CTDSPL: variants seen among roughly 807,000 people sequenced by gnomAD.
The protein encoded by CTDSPL is CTD small phosphatase-like protein.
A neutral mutation model predicts 30.5 loss-of-function variants in CTDSPL; 8 were observed. The observed-to-expected ratio is 0.26, with a 90% CI of 0.15 to 0.47. The LOEUF is 0.47. CTDSPL is among the 20% of genes least tolerant of loss of function. The pLI is 0.99. For synonymous variants in CTDSPL, 110 were observed against 137.9 expected, an observed-to-expected ratio of 0.80 and a Z score of 1.42; for missense variants, 248 against 366.1, an observed-to-expected ratio of 0.68 and a Z score of 2.63.
At chr3:37,907,685 A>C (rs6790217) in intron 1 of CTDSPL, among the ~76,000 whole-genome samples, 41,329 of 152,032 alleles carry the variant, frequency 0.27, 6,512 homozygotes, top group African/African-American at 0.42. Flanking sequence ...AAGAACGTAG[A>C]GCTTAGTGGA....
intron 3 of CTDSPL, among the ~76,000 whole-genome samples, chr3:37,964,135 C>A (rs951788247): frequency 2.7e-5 from 4 of 148,680 alleles, no homozygotes; most frequent in Non-Finnish European, 5.9e-5. Flanking sequence ...CAAAATATGA[C>A]CCCACGAAAC....
chr3:37,975,956 G>T lies in CTDSPL; in HGVS notation c.705+62G>T, dbSNP rs1006067824. On this transcript the variant is annotated intron_variant, in intron 7 of 7. Coordinates refer to ENST00000273179, the MANE Select transcript of CTDSPL (RefSeq NM_001008392.2). The surrounding 1 kb of genome is among the most constrained non-coding windows in gnomAD (Gnocchi z 4.9). ...TCTGAGCCCTCTGTCTTGCCAGGCA[G>T]GTACCACTTTTGAGCACCTACACAA... 8 of 1,551,416 alleles carry T rather than the reference G, an allele frequency of 5.2e-6. No homozygotes were observed. Among genetic ancestry groups the T allele is most frequent in the Admixed American group, 1.8e-5 (1 of 56,084 alleles).
intron 4 of CTDSPL, 49 bp from the exon 5 acceptor site, chr3:37,967,777 G>GT: frequency 2.9e-6 from 4 of 1,398,014 alleles, no homozygotes; most frequent in South Asian, 2.6e-5. Flanking sequence ...AATTTCCAGA[G>GT]TTTTTTTGTT....
chr3:37,960,558 A>C (rs1699233447), intron 3 of CTDSPL, among the ~76,000 whole-genome samples: 1 of 128,474 alleles, frequency 7.8e-6, no homozygotes, highest in East Asian at 2.2e-4. Context: ...ACACACACAC[A>C]CACACACACA....
At chr3:37,971,577 A>C in intron 6 of CTDSPL, 78 bp downstream of exon 6, 1 of 1,359,660 alleles carries the variant, frequency 7.4e-7, no homozygotes, top group Non-Finnish European at 1.0e-6. Context: ...TCTGTCAAGC[A>C]GCCCTTTGTT....
In CTDSPL at chr3:37,865,382, G is replaced by A. The variant is rs1446070931; in HGVS notation, c.79+3104G>A. Among the ~76,000 whole-genome samples, 4 of 152,224 alleles carry A rather than the reference G, an allele frequency of 2.6e-5. No individual in the cohort carries two copies. The South Asian group carries it at 6.2e-4, about 24-fold the overall frequency. ...TATATGAAATTGTGCTCTACTTCATGTGAAACCTTTTCATGCATCAGCTTG... is the reference window on the plus strand; with the variant it reads ...TATATGAAATTGTGCTCTACTTCATATGAAACCTTTTCATGCATCAGCTTG... On this transcript the variant is annotated intron_variant, in intron 1 of 7. Coordinates refer to ENST00000273179, the MANE Select transcript of CTDSPL (RefSeq NM_001008392.2).
At chr3:37,941,547 A>T (rs1698978063) in intron 1 of CTDSPL, among the ~76,000 whole-genome samples, 2 of 146,478 alleles carry the variant, frequency 1.4e-5, no homozygotes, top group Non-Finnish European at 3.0e-5. Context: ...CCGCCACCAC[A>T]CTCCGCTAAT....
chr3:37,982,476 G>A lies in CTDSPL; in HGVS notation c.*1609G>A, dbSNP rs1363245071. The A allele has an allele frequency of 2.2e-6, 1 of 453,556 alleles. No homozygotes were observed. Among genetic ancestry groups the A allele is most frequent in the African/African-American group, 2.0e-5 (1 of 50,064 alleles). 28.1% of individuals were successfully genotyped at this position (453,556 alleles called of 1,614,324 possible). A position where few individuals can be genotyped will look rare whatever the true frequency, so the allele number is the denominator to read the frequency against. On this transcript the variant is annotated 3_prime_UTR_variant, in exon 8 of 8. Coordinates refer to ENST00000273179, the MANE Select transcript of CTDSPL (RefSeq NM_001008392.2). ...TTAGTCCTCTGTGGGTTGGTCTTCA[G>A]CCAGCATTCTGGTGGGAGTGACTGG...
intron 3 of CTDSPL, among the ~76,000 whole-genome samples, chr3:37,957,353 G>T (rs961914107): frequency 6.6e-6 from 1 of 152,090 alleles, no homozygotes; most frequent in Non-Finnish European, 1.5e-5. Context: ...CCTTTCTCAG[G>T]AACAGCAGGG....
chr3:37,934,748 C>T (rs1297489716), intron 1 of CTDSPL, among the ~76,000 whole-genome samples: 5 of 152,206 alleles, frequency 3.3e-5, no homozygotes, highest in African/African-American at 9.6e-5. Context: ...GAAAGTGGCG[C>T]TCTTTGAGCT....
chr3:37,932,654 A>G (rs1698867823), intron 1 of CTDSPL, among the ~76,000 whole-genome samples: 1 of 152,270 alleles, frequency 6.6e-6, no homozygotes, highest in Non-Finnish European at 1.5e-5. Flanking sequence ...GGCAAAGGCC[A>G]TTAAGTCTCT....
chr3:37,909,290 GA>G (rs1414446121), intron 1 of CTDSPL, among the ~76,000 whole-genome samples: 1 of 152,200 alleles, frequency 6.6e-6, no homozygotes, highest in African/African-American at 2.4e-5. Flanking sequence ...TTCTGCCATG[GA>G]AATGATACCC....
intron 3 of CTDSPL, among the ~76,000 whole-genome samples, chr3:37,960,488 A>ATAAATAAAT (rs1176208018): frequency 2.0e-5 from 1 of 48,978 alleles, no homozygotes; most frequent in African/African-American, 9.6e-5. Context: ...CTCAAAAAAA[A>ATAAATAAAT]AAAAAAAAAA....
At chr3:37,978,427 G>A (rs1007318955) in intron 7 of CTDSPL, among the ~76,000 whole-genome samples, 4 of 152,146 alleles carry the variant, frequency 2.6e-5, no homozygotes, top group African/African-American at 9.7e-5. Flanking sequence ...TCTTGGGGAT[G>A]GAACCAAGTC....
intron 1 of CTDSPL, among the ~76,000 whole-genome samples, chr3:37,889,656 T>C (rs988085135): frequency 4.6e-5 from 7 of 152,104 alleles, no homozygotes; most frequent in Non-Finnish European, 1.0e-4. Flanking sequence ...ATGTTTTCAA[T>C]CTAGAGGCCA....
chr3:37,952,615 C>T (rs1575315034), intron 2 of CTDSPL, among the ~76,000 whole-genome samples: 1 of 152,228 alleles, frequency 6.6e-6, no homozygotes, highest in African/African-American at 2.4e-5. Context: ...CTTTTACTTA[C>T]TGCCAAAATC....
chr3:37,917,113 A>G (rs1263465126), intron 1 of CTDSPL, among the ~76,000 whole-genome samples: 1 of 152,238 alleles, frequency 6.6e-6, no homozygotes, highest in Admixed American at 6.5e-5. Context: ...AATGGGCAGT[A>G]CACATATTCG....
rs148523642 is a variant in CTDSPL at position 37,955,869 on chromosome 3, C to T, written c.235-1242C>T. On this transcript the variant is annotated intron_variant, in intron 2 of 7. Transcript: ENST00000273179. ...AAAGTTTTTTTAAAAGTATGTCCTCCGCCAAGTATGTCTGTAGGGGCAGTG... is the reference window on the plus strand; with the variant it reads ...AAAGTTTTTTTAAAAGTATGTCCTCTGCCAAGTATGTCTGTAGGGGCAGTG... Among the ~76,000 whole-genome samples, 473 of 152,266 alleles carry T rather than the reference C, an allele frequency of 3.1e-3. 1 individual carries two copies. Among genetic ancestry groups the T allele is most frequent in the Non-Finnish European group, 5.0e-3 (343 of 68,022 alleles).
intron 1 of CTDSPL, among the ~76,000 whole-genome samples, chr3:37,881,502 C>A (rs1156354049): frequency 6.6e-6 from 1 of 152,126 alleles, no homozygotes; most frequent in Admixed American, 6.5e-5. Context: ...GCACTCCAGC[C>A]TGGATGACAG....
Sources: allele counts gnomAD v4.1 joint callset (sites outside exome capture counted in the v4.1 genomes callset), GRCh38; gene constraint gnomAD v4.1.1; non-coding constraint Gnocchi (gnomAD v3.1); transcripts MANE v1.5; gene names NCBI Gene and HGNC (gene_info 2026-07-23, HGNC 2026-07-21).